LNPK: variants seen among roughly 807,000 people sequenced by gnomAD.
The protein encoded by LNPK is endoplasmic reticulum junction formation protein lunapark.
In LNPK, 29 loss-of-function variants were observed where a neutral mutation model predicts 55.2. That is an observed-to-expected ratio of 0.53 (90% CI 0.39 to 0.72). LNPK has a LOEUF of 0.72. Among genes scored for constraint, LNPK ranks in the 30% least tolerant of loss-of-function variants. The probability of loss-of-function intolerance (pLI) is 0.00; values close to 1 mark genes in which losing one functional copy is unlikely to be tolerated. For missense variants in LNPK, 467 were observed against 494.8 expected, an observed-to-expected ratio of 0.94 and a Z score of 0.53; for synonymous variants, 162 against 168.2, an observed-to-expected ratio of 0.96 and a Z score of 0.29.
At chr2:175,945,992 GA>G (rs1181696555) in intron 9 of LNPK, among the ~76,000 whole-genome samples, 2 of 152,008 alleles carry the variant, frequency 1.3e-5, no homozygotes, top group African/African-American at 4.8e-5. Context: ...ATGGCATAAA[GA>G]AAAAACTAAG....
intron 9 of LNPK, among the ~76,000 whole-genome samples, chr2:175,944,025 T>C (rs931531532): frequency 1.3e-5 from 2 of 152,126 alleles, no homozygotes; most frequent in African/African-American, 4.8e-5. Context: ...TAGAAAATAC[T>C]ATGTAATCTA....
At chr2:175,935,861 G>T in intron 12 of LNPK, 1 of 235,098 alleles carries the variant, frequency 4.3e-6, no homozygotes, top group Non-Finnish European at 6.9e-6. Context: ...CTTAGCAGAA[G>T]ACAGAAAGTA....
Position 175,937,441 on chromosome 2 carries a change from C to T in LNPK, c.957G>A (p.Glu319=). 1 of 1,613,784 alleles carries T rather than the reference C, an allele frequency of 6.2e-7. No individual in the cohort carries two copies. Among genetic ancestry groups the T allele is most frequent in the South Asian group, 1.1e-5 (1 of 91,050 alleles). The change falls in exon 12 of 13, where the codon GAG becomes GAA. Residue 319 remains glutamate, a synonymous_variant. Coordinates refer to ENST00000272748, the MANE Select transcript of LNPK (RefSeq NM_030650.3). The part of the protein sequence containing the change: ...KTRPQAPRLP[E]FSFEKRQVVE... Reference sequence around the variant, plus strand: ...CCACCTGCCTCTTCTCAAAACTAAACTCAGGAAGTCTTGGAGCCTGAGGTC... The same window carrying T: ...CCACCTGCCTCTTCTCAAAACTAAATTCAGGAAGTCTTGGAGCCTGAGGTC...
At position 175,925,807 on chromosome 2, in the gene LNPK, G is replaced by A. The variant is rs76004674; in HGVS notation, c.*4160C>T. 2 of 152,172 alleles carry A rather than the reference G, an allele frequency of 1.3e-5. No homozygotes were observed. Among genetic ancestry groups the A allele is most frequent in the Admixed American group, 6.6e-5 (1 of 15,238 alleles). The allele number at this position is 152,172 out of a possible 1,614,324, so 9.4% of individuals were successfully genotyped here. ...AGGCTCCTGAGTAGCTAGGATTACAGGCATGCACCACCACGCCTGGCTAAT... is the reference window on the plus strand; with the variant it reads ...AGGCTCCTGAGTAGCTAGGATTACAAGCATGCACCACCACGCCTGGCTAAT... On this transcript the variant is annotated 3_prime_UTR_variant, in exon 13 of 13. Transcript: ENST00000272748.
At chr2:175,950,510 T>A (rs1346333533) in intron 8 of LNPK, among the ~76,000 whole-genome samples, 1 of 152,078 alleles carries the variant, frequency 6.6e-6, no homozygotes, top group Non-Finnish European at 1.5e-5. Flanking sequence ...ACCCCAAAAA[T>A]ATGTACAATT....
intron 4 of LNPK, among the ~76,000 whole-genome samples, chr2:175,984,200 G>A (rs949471408): frequency 2.9e-4 from 43 of 149,774 alleles, no homozygotes; most frequent in African/African-American, 7.6e-4. Context: ...TTTTTGAGAC[G>A]GAGTCTAGCT....
intron 6 of LNPK, among the ~76,000 whole-genome samples, chr2:175,965,939 T>C (rs925105866): frequency 6.6e-6 from 1 of 152,224 alleles, no homozygotes; most frequent in African/African-American, 2.4e-5. Context: ...AGCAGTGTTG[T>C]GCAGTAAAAC....
intron 8 of LNPK, 41 bp downstream of exon 8, chr2:175,964,331 A>C: frequency 6.4e-7 from 1 of 1,557,822 alleles, no homozygotes; most frequent in Non-Finnish European, 8.8e-7. Context: ...GTAATTATGG[A>C]TCTTTCCAAC....
intron 12 of LNPK, chr2:175,935,738 CTTCT>C (rs746052955): frequency 1.4e-5 from 14 of 976,244 alleles, no homozygotes; most frequent in African/African-American, 1.8e-5. Context: ...GCCAGTAAGA[CTTCT>C]TTCCAGGAAT....
At chr2:175,968,800 T>G (rs1474145280) in intron 6 of LNPK, among the ~76,000 whole-genome samples, 1 of 152,084 alleles carries the variant, frequency 6.6e-6, no homozygotes, top group Non-Finnish European at 1.5e-5. Context: ...AAACCACTTT[T>G]AATAAAATAT....
chr2:175,939,492 TACAC>T, intron 10 of LNPK, 56 bp downstream of exon 10: 11 of 885,048 alleles, frequency 1.2e-5, no homozygotes, highest in Non-Finnish European at 1.8e-5. Context: ...ATCTAGTGTG[TACAC>T]ACACACACAC....
chr2:175,962,925 A>T (rs1384874541), intron 8 of LNPK, among the ~76,000 whole-genome samples: 11 of 150,186 alleles, frequency 7.3e-5, no homozygotes, highest in East Asian at 5.8e-4. Context: ...AAAAGAAGAC[A>T]TTTATGCAGC....
At chr2:175,989,905 G>A (rs1467188921) in intron 4 of LNPK, among the ~76,000 whole-genome samples, 2 of 152,162 alleles carry the variant, frequency 1.3e-5, no homozygotes, top group African/African-American at 4.8e-5. Flanking sequence ...TTTTGGAATA[G>A]TTATACAATA....
intron 12 of LNPK, among the ~76,000 whole-genome samples, chr2:175,936,582 C>G (rs1366562735): frequency 1.3e-5 from 2 of 152,102 alleles, no homozygotes; most frequent in African/African-American, 4.8e-5. Context: ...TGGCAATCTT[C>G]ATAATTCAGA....
chr2:175,928,252 C>A lies in LNPK; in HGVS notation c.*1715G>T, dbSNP rs1184463960. ...CAAGAGGAAAAACTTATGGTCCTTG[C>A]ATATTTTAAAGACATTAATAAGAAC... On this transcript the variant is annotated 3_prime_UTR_variant, in exon 13 of 13. Transcript: ENST00000272748. 1 of 152,028 alleles carries A rather than the reference C, an allele frequency of 6.6e-6. No individual in the cohort carries two copies. Among genetic ancestry groups the A allele is most frequent in the African/African-American group, 2.4e-5 (1 of 41,398 alleles). The allele number at this position is 152,028 out of a possible 1,614,324, so 9.4% of individuals were successfully genotyped here. A position where few individuals can be genotyped will look rare whatever the true frequency, so the allele number is the denominator to read the frequency against.
In LNPK at chr2:175,926,984, C is replaced by G. The variant is rs1303432595; in HGVS notation, c.*2983G>C. On this transcript the variant is annotated 3_prime_UTR_variant, in exon 13 of 13. Transcript: ENST00000272748. ...AAGGAAACAGATCAAAGCTGGAGATCTGAGATTCAGAGAGACAGATGGTAA... is the reference window on the plus strand; with the variant it reads ...AAGGAAACAGATCAAAGCTGGAGATGTGAGATTCAGAGAGACAGATGGTAA... 6.6e-6 allele frequency: 1 copy of G among 152,132 alleles called. No homozygotes were observed. Among genetic ancestry groups the G allele is most frequent in the African/African-American group, 2.4e-5 (1 of 41,424 alleles). 9.4% of individuals were successfully genotyped at this position (152,132 alleles called of 1,614,324 possible). A position where few individuals can be genotyped will look rare whatever the true frequency, so the allele number is the denominator to read the frequency against.
intron 4 of LNPK, among the ~76,000 whole-genome samples, chr2:175,980,188 T>A (rs745915429): frequency 2.1e-4 from 32 of 152,330 alleles, no homozygotes; most frequent in Non-Finnish European, 4.3e-4. Context: ...CGCAAAAGAT[T>A]GAGAATATTA....
At chr2:175,989,159 A>G (rs551899998) in intron 4 of LNPK, among the ~76,000 whole-genome samples, 1 of 152,186 alleles carries the variant, frequency 6.6e-6, no homozygotes, top group African/African-American at 2.4e-5. Flanking sequence ...TTGTCAACCT[A>G]GCTGGATTGA....
rs753462116 is a variant in LNPK, at chr2:175,939,625, G to C, written c.739C>G (p.Pro247Ala). 2.5e-6 allele frequency: 4 copies of C among 1,604,470 alleles called. No homozygotes were observed. In the East Asian group the frequency reaches 9.0e-5, roughly 36 times the overall value. ...LHPPGPPLAR[P>A]ILPRERGALD... ...GCACCTCGTTCTCGGGGGAGAATAGGTCTTGCTAAAGGTGGACCTGGAGGA... is the reference window on the plus strand; with the variant it reads ...GCACCTCGTTCTCGGGGGAGAATAGCTCTTGCTAAAGGTGGACCTGGAGGA... Residue 247 changes from proline (P) to alanine (A), a missense_variant, in exon 10 of 13, where the codon CCT (proline) becomes GCT (alanine). Physicochemically the swap from Pro to Ala is conservative, Grantham distance 27. Transcript: ENST00000272748.
Sources: gnomAD v4.1 joint callset for allele counts (sites outside exome capture counted in the v4.1 genomes callset) on GRCh38, gnomAD v4.1.1 for gene constraint, MANE v1.5 for transcripts, NCBI Gene and HGNC (gene_info 2026-07-23, HGNC 2026-07-21) for gene names.